The following NKIRAS1 variants were observed in gnomAD, a reference collection of about 807,000 sequenced individuals.
The protein encoded by NKIRAS1 is NFKB inhibitor interacting Ras like 1, also known as NF-kappa-B inhibitor-interacting Ras-like protein 1.
A neutral mutation model predicts 19.8 loss-of-function variants in NKIRAS1; 16 were observed. The ratio of observed to expected loss-of-function variants is 0.81; its 90% CI spans 0.55 to 1.23. NKIRAS1 has a LOEUF of 1.23. Among genes scored for constraint, NKIRAS1 ranks in the 50% most tolerant of loss-of-function variants. NKIRAS1 has a pLI of 0.00. For synonymous variants in NKIRAS1, 88 were observed against 79.0 expected (o/e 1.11, Z -0.61); for missense variants, 184 against 220.0 (o/e 0.84, Z 1.04).
At chr3:23,899,106 C>T (rs1321023829) in intron 4 of NKIRAS1, among the ~76,000 whole-genome samples, 1 of 152,118 alleles carries the variant, frequency 6.6e-6, no homozygotes, top group Non-Finnish European at 1.5e-5. Flanking sequence ...ATTTATATAA[C>T]AATCTTGAAA....
intron 1 of NKIRAS1, among the ~76,000 whole-genome samples, chr3:23,912,068 C>G (rs534179849): frequency 6.6e-6 from 1 of 152,130 alleles, no homozygotes; most frequent in Non-Finnish European, 1.5e-5. Context: ...CTGGCTGTCA[C>G]GTGGGCTTTC....
At chr3:23,945,602 C>A in intron 1 of NKIRAS1, 1 of 1,173,302 alleles carries the variant, frequency 8.5e-7, no homozygotes. Context: ...CAGGTAAGAA[C>A]CGGACTGCGG....
At chr3:23,925,853 C>T (rs1048594834) in intron 1 of NKIRAS1, among the ~76,000 whole-genome samples, 4 of 152,042 alleles carry the variant, frequency 2.6e-5, no homozygotes, top group African/African-American at 9.7e-5. Context: ...TAGCTGTATG[C>T]TTTTCAATAT....
chr3:23,910,494 T>C (rs1703589277), intron 3 of NKIRAS1, among the ~76,000 whole-genome samples: 1 of 152,200 alleles, frequency 6.6e-6, no homozygotes, highest in African/African-American at 2.4e-5. Flanking sequence ...CTATGATTTG[T>C]AATGTAATGA....
chr3:23,916,382 A>C (rs953828969), intron 1 of NKIRAS1: 2 of 152,216 alleles, frequency 1.3e-5, no homozygotes, highest in African/African-American at 4.8e-5. Flanking sequence ...ACACCTGCCA[A>C]ACAGGTCTTG....
At chr3:23,894,466 T>C (rs1701783237) in intron 4 of NKIRAS1, among the ~76,000 whole-genome samples, 1 of 152,176 alleles carries the variant, frequency 6.6e-6, no homozygotes, top group Non-Finnish European at 1.5e-5. Context: ...TCACATACTC[T>C]ATCTCATCTT....
At chr3:23,920,428 AAAC>A (rs1315562954), upstream of NKIRAS1, 2 of 985,330 alleles carry the variant, frequency 2.0e-6, no homozygotes, top group African/African-American at 1.7e-5. Flanking sequence ...TGTTCTGGCC[AAAC>A]AACCCTAAAA....
In NKIRAS1 at chr3:23,926,502, TTCTTCC is replaced by T. The variant is rs1458127949; in HGVS notation, c.-139-15058_-139-15053del. Among the ~76,000 whole-genome samples the T allele has an allele frequency of 6.6e-6, 1 of 152,050 alleles. No individual in the cohort carries two copies. The highest frequency in any genetic ancestry group is 2.4e-5 in the African/African-American group (1 of 41,430). On this transcript the variant is annotated intron_variant, in intron 1 of 4. Transcript: ENST00000421515. This position sits in a 1 kb window ranked among gnomAD's most constrained non-coding sequence, Gnocchi z 4.3. ...TCTCTCCTTCTCTTTCCTCTTCCTC[TTCTTCC>T]TCTTCTTTTTTTTTGTGTCATTCTC...
upstream of NKIRAS1, chr3:23,918,168 C>T (rs1017106852): frequency 7.3e-5 from 83 of 1,130,034 alleles, no homozygotes; most frequent in African/African-American, 1.2e-3. Context: ...CAACACTGGT[C>T]AGTTACTGTA....
intron 1 of NKIRAS1, chr3:23,923,277 G>GT (rs1705147733): frequency 6.9e-6 from 1 of 145,176 alleles, no homozygotes; most frequent in Non-Finnish European, 1.5e-5. Context: ...TTGGAGTACA[G>GT]TAACACAATC....
At chr3:23,919,487 C>T, upstream of NKIRAS1, 1 of 1,574,204 alleles carries the variant, frequency 6.4e-7, no homozygotes. Context: ...TCTCCAGCTC[C>T]ACCGTTACCG....
At chr3:23,903,949 G>A (rs763393740) in intron 3 of NKIRAS1, among the ~76,000 whole-genome samples, 11 of 152,164 alleles carry the variant, frequency 7.2e-5, no homozygotes, top group Non-Finnish European at 7.3e-5. Flanking sequence ...CGGATCACCT[G>A]AGGTCAGGAG....
At chr3:23,937,526 C>T (rs1575134405) in intron 1 of NKIRAS1, among the ~76,000 whole-genome samples, 1 of 150,836 alleles carries the variant, frequency 6.6e-6, no homozygotes, top group Non-Finnish European at 1.5e-5. Context: ...GATAGCATGC[C>T]CTGTTGTTAG....
rs1317333856 is a variant in NKIRAS1, at chr3:23,891,445, A to C, written c.*1650T>G. The C allele has an allele frequency of 6.6e-6, 1 of 152,214 alleles. No individual in the cohort carries two copies. Among genetic ancestry groups the C allele is most frequent in the East Asian group, 1.9e-4 (1 of 5,202 alleles). The allele number at this position is 152,214 out of a possible 1,614,324, so 9.4% of individuals were successfully genotyped here. The stretch of plus-strand genomic sequence containing the variant: ...TTTAGTAGGTATTAGTTAGTTACCT[A>C]TATTAGGATCTGTACTTTACACAGC... On this transcript the variant is annotated 3_prime_UTR_variant, in exon 5 of 5. Transcript: ENST00000425478.
chr3:23,921,142 A>G (rs575709340), upstream of NKIRAS1, among the ~76,000 whole-genome samples: 12 of 152,316 alleles, frequency 7.9e-5, no homozygotes, highest in African/African-American at 2.9e-4. Flanking sequence ...AACAAAAAAA[A>G]TCCTTAAACA....
At chr3:23,910,060 T>C (rs34658300) in intron 3 of NKIRAS1, among the ~76,000 whole-genome samples, 170 of 152,192 alleles carry the variant, frequency 1.1e-3, no homozygotes, top group African/African-American at 3.9e-3. Flanking sequence ...GGTTTCACCA[T>C]GTTGTCCAGG....
intron 4 of NKIRAS1, among the ~76,000 whole-genome samples, chr3:23,896,017 C>T (rs1158180762): frequency 6.6e-6 from 1 of 151,442 alleles, no homozygotes. Context: ...CGCCTGTAGT[C>T]CCAGCTACTT....
intron 3 of NKIRAS1, among the ~76,000 whole-genome samples, chr3:23,909,403 C>T (rs1235713723): frequency 6.6e-6 from 1 of 152,084 alleles, no homozygotes; most frequent in African/African-American, 2.4e-5. Flanking sequence ...AGCACGCACC[C>T]ATAGTCCCAG....
At chr3:23,918,371 A>G, upstream of NKIRAS1, 1 of 1,530,794 alleles carries the variant, frequency 6.5e-7, no homozygotes. Context: ...AGTATTAGTG[A>G]CAAGCCATTG....
Sources: allele counts gnomAD v4.1 joint callset (sites outside exome capture counted in the v4.1 genomes callset), GRCh38; gene constraint gnomAD v4.1.1; non-coding constraint Gnocchi (gnomAD v3.1); transcripts MANE v1.5; gene names NCBI Gene and HGNC (gene_info 2026-07-23, HGNC 2026-07-21).